Variants in ARHGEF18 observed in about 807,000 individuals in gnomAD.
ARHGEF18 encodes rho guanine nucleotide exchange factor 18.
In ARHGEF18, 93 loss-of-function variants were observed where a neutral mutation model predicts 155.7. The observed-to-expected ratio is 0.60, with a 90% CI of 0.50 to 0.71. The LOEUF is 0.71. Ranked by LOEUF, ARHGEF18 falls within the 30% of genes least tolerant of loss-of-function variation. ARHGEF18 has a pLI of 0.00. For synonymous variants in ARHGEF18, 742 were observed against 753.1 expected, an observed-to-expected ratio of 0.99 and a Z score of 0.24; for missense variants, 1,593 against 1,816.1, an observed-to-expected ratio of 0.88 and a Z score of 2.23.
At chr19:7,399,930 G>A (rs1971947031) in intron 10 of ARHGEF18, among the ~76,000 whole-genome samples, 2 of 151,816 alleles carry the variant, frequency 1.3e-5, no homozygotes, top group African/African-American at 2.4e-5. Context: ...GTACCACCGC[G>A]CCCAATTAAT....
downstream of ARHGEF18, among the ~76,000 whole-genome samples, chr19:7,475,246 A>G (rs1045814243): frequency 9.9e-5 from 15 of 152,284 alleles, no homozygotes; most frequent in South Asian, 4.1e-4. Flanking sequence ...GAGGGCCCGT[A>G]GTCTTTAAGG....
At chr19:7,464,519 G>A (rs369902663) in intron 22 of ARHGEF18, 41 bp from the exon 23 acceptor site, 50 of 1,576,464 alleles carry the variant, frequency 3.2e-5, no homozygotes, top group East Asian at 6.8e-5. Flanking sequence ...CCCTCCCCAC[G>A]GGATGGCAGC....
chr19:7,473,994 A>G (rs57132225), downstream of ARHGEF18, among the ~76,000 whole-genome samples: 5,069 of 151,268 alleles, frequency 0.034, 247 homozygotes, highest in African/African-American at 0.11. Flanking sequence ...AAGAGCTTAA[A>G]AAAAAAAAAG....
chr19:7,385,756 G>A (rs1312777334), intron 10 of ARHGEF18, among the ~76,000 whole-genome samples: 1 of 151,660 alleles, frequency 6.6e-6, no homozygotes, highest in Non-Finnish European at 1.5e-5. Context: ...GATTACAGGC[G>A]TGAGCCACCG....
At chr19:7,455,895 C>T (rs1486581479) in intron 17 of ARHGEF18, among the ~76,000 whole-genome samples, 7 of 152,172 alleles carry the variant, frequency 4.6e-5, no homozygotes, top group South Asian at 4.1e-4. Context: ...ATCACGAGAA[C>T]GGCATGGAAA....
At chr19:7,429,998 A>C (rs978948723) in intron 10 of ARHGEF18, among the ~76,000 whole-genome samples, 55 of 151,462 alleles carry the variant, frequency 3.6e-4, no homozygotes, top group Admixed American at 1.7e-3. Flanking sequence ...ATTGCTTGGG[A>C]ATAATTTTCA....
downstream of ARHGEF18, among the ~76,000 whole-genome samples, chr19:7,474,660 G>A (rs1977177713): frequency 6.6e-6 from 1 of 151,982 alleles, no homozygotes; most frequent in South Asian, 2.1e-4. Flanking sequence ...TTACAGGCGT[G>A]AGCCACCGCG....
rs1970474907 is a variant in ARHGEF18 at position 7,376,697 on chromosome 19, T to C, written c.481T>C (p.Tyr161His). ...GRSRSVPVSF[Y>H]EIRSPEISPG... Reference sequence around the variant, plus strand: ...GTCAAGGTCCGTTCCTGTGTCCTTCTATGAGATCCGCTCTCCGGAAATCTC... The same window carrying C: ...GTCAAGGTCCGTTCCTGTGTCCTTCCATGAGATCCGCTCTCCGGAAATCTC... Residue 161 changes from tyrosine (Y) to histidine (H), a missense_variant, in exon 5 of 29, where the codon TAT becomes CAT. By Grantham distance (83) the Tyr-to-His change is moderately conservative (BLOSUM62 2). Transcript: ENST00000668164. 8.1e-7 allele frequency: 1 copy of C among 1,234,360 alleles called. No individual in the cohort carries two copies. Among genetic ancestry groups the C allele is most frequent in the Non-Finnish European group, 1.0e-6 (1 of 988,252 alleles). The allele number at this position is 1,234,360 out of a possible 1,614,324, so 76.5% of individuals were successfully genotyped here. A position where few individuals can be genotyped will look rare whatever the true frequency, so the allele number is the denominator to read the frequency against.
At chr19:7,379,196 G>C in intron 7 of ARHGEF18, 30 bp downstream of exon 7, 1 of 1,231,550 alleles carries the variant, frequency 8.1e-7, no homozygotes, top group East Asian at 3.2e-5. Context: ...GGCTTGAGGG[G>C]AGCAAAGTGG....
intron 10 of ARHGEF18, among the ~76,000 whole-genome samples, chr19:7,400,663 A>C (rs1036884331): frequency 6.6e-6 from 1 of 152,102 alleles, no homozygotes; most frequent in South Asian, 2.1e-4. Flanking sequence ...CAAGAATCCT[A>C]TCTCTACAAA....
intron 10 of ARHGEF18, among the ~76,000 whole-genome samples, chr19:7,406,938 G>T (rs957679592): frequency 6.8e-6 from 1 of 146,492 alleles, no homozygotes; most frequent in Non-Finnish European, 1.5e-5. Context: ...GGTGGCGGGC[G>T]CCTGTAGTCC....
intron 14 of ARHGEF18, among the ~76,000 whole-genome samples, chr19:7,445,317 G>A (rs1439498652): frequency 6.6e-6 from 1 of 152,130 alleles, no homozygotes; most frequent in East Asian, 1.9e-4. Flanking sequence ...CTGTGGTGGT[G>A]TATAGCTGTA....
At chr19:7,430,775 A>G (rs1418417293) in intron 10 of ARHGEF18, among the ~76,000 whole-genome samples, 1 of 152,196 alleles carries the variant, frequency 6.6e-6, no homozygotes, top group Non-Finnish European at 1.5e-5. Context: ...ACTGTACTCC[A>G]GCCTGGGTGA....
At chr19:7,469,739 C>G (rs1450312635) in intron 27 of ARHGEF18, among the ~76,000 whole-genome samples, 165 bp from the exon 28 acceptor site, 3 of 152,080 alleles carry the variant, frequency 2.0e-5, no homozygotes, top group Non-Finnish European at 4.4e-5. Context: ...GCCGTTCTCC[C>G]TGAATCTGGG....
rs3840915 is a variant in ARHGEF18, at chr19:7,395,162, TG to T, written c.967+11966del. On this transcript the variant is annotated intron_variant, in intron 10 of 28. Transcript: ENST00000668164. This position sits in a 1 kb window ranked among gnomAD's most constrained non-coding sequence, Gnocchi z 5.0. ...TCCCAGCTGCTAGCTACTGTGGATC[TG>T]GGGGGGCCGGACGGAGGCATCGGAG... 64 of 985,690 alleles carry T rather than the reference TG, an allele frequency of 6.5e-5. No individual in the cohort carries two copies. The highest frequency in any genetic ancestry group is 7.6e-5 in the Non-Finnish European group (63 of 830,294). 61.1% of individuals were successfully genotyped at this position (985,690 alleles called of 1,614,324 possible).
At chr19:7,351,107 A>G (rs572175974) in intron 1 of ARHGEF18, among the ~76,000 whole-genome samples, 4 of 151,774 alleles carry the variant, frequency 2.6e-5, no homozygotes, top group Non-Finnish European at 5.9e-5. Flanking sequence ...CTCAGCCTTT[A>G]TGAAGTTTGG....
chr19:7,450,756 C>G, intron 15 of ARHGEF18, among the ~76,000 whole-genome samples: 1 of 140,992 alleles, frequency 7.1e-6, no homozygotes, highest in Non-Finnish European at 1.5e-5. Context: ...AATGCGGGAT[C>G]TTGCTGTCCG....
chr19:7,352,245 T>G (rs949337901), intron 1 of ARHGEF18, among the ~76,000 whole-genome samples: 1 of 151,942 alleles, frequency 6.6e-6, no homozygotes, highest in African/African-American at 2.4e-5. Flanking sequence ...AATCTGATTG[T>G]GACCTATGCT....
intron 1 of ARHGEF18, among the ~76,000 whole-genome samples, chr19:7,354,444 C>T (rs945176333): frequency 1.3e-5 from 2 of 152,062 alleles, no homozygotes; most frequent in Non-Finnish European, 1.5e-5. Flanking sequence ...GGGAGTCACA[C>T]AGCAAGTACG....
Sources: gnomAD v4.1 joint callset for allele counts (sites outside exome capture counted in the v4.1 genomes callset) on GRCh38, gnomAD v4.1.1 for gene constraint, Gnocchi (gnomAD v3.1) non-coding constraint, MANE v1.5 for transcripts, NCBI Gene and HGNC (gene_info 2026-07-23, HGNC 2026-07-21) for gene names.